RAD18: variants seen among roughly 807,000 people sequenced by gnomAD.
RAD18 encodes the protein RAD18 E3 ubiquitin protein ligase, also known as E3 ubiquitin-protein ligase RAD18.
RAD18 carries 47 observed loss-of-function variants against 60.4 expected under a neutral mutation model. The ratio of observed to expected loss-of-function variants is 0.78; its 90% CI spans 0.62 to 0.99. RAD18 has a LOEUF of 0.99. Ranked by LOEUF, RAD18 falls within the 50% of genes least tolerant of loss-of-function variation. The probability of loss-of-function intolerance (pLI) is 0.00; values close to 1 mark genes in which losing one functional copy is unlikely to be tolerated. For missense variants in RAD18, 640 were observed against 593.3 expected, an observed-to-expected ratio of 1.08 and a Z score of -0.82; for synonymous variants, 225 against 195.5, an observed-to-expected ratio of 1.15 and a Z score of -1.26.
intron 9 of RAD18, among the ~76,000 whole-genome samples, chr3:8,903,893 T>C (rs1415111631): frequency 2.6e-5 from 4 of 152,192 alleles, no homozygotes; most frequent in African/African-American, 7.2e-5. Context: ...TACTAAGGCA[T>C]AGGGAATTTA....
At chr3:8,907,219 T>C (rs1940024277) in intron 9 of RAD18, among the ~76,000 whole-genome samples, 1 of 152,258 alleles carries the variant, frequency 6.6e-6, no homozygotes, top group Non-Finnish European at 1.5e-5. Flanking sequence ...TGCTTACCTC[T>C]CAAGGATCCC....
rs1351559689 is a variant in RAD18 at position 8,898,885 on chromosome 3, G to A, written c.1322+9C>T. On this transcript the variant is annotated intron_variant, in intron 11 of 12. Coordinates refer to ENST00000264926, the MANE Select transcript of RAD18 (RefSeq NM_020165.4). ...TATTTAAAATAATCAACTACTGCATGTTTCTTACCTATTGCATGAATCTGA... is the reference window on the plus strand; with the variant it reads ...TATTTAAAATAATCAACTACTGCATATTTCTTACCTATTGCATGAATCTGA... 3 of 1,552,950 alleles carry A rather than the reference G, an allele frequency of 1.9e-6. No homozygotes were observed. The highest frequency in any genetic ancestry group is 2.8e-5 in the African/African-American group (2 of 72,438).
chr3:8,954,297 G>C (rs1940973343), intron 2 of RAD18, among the ~76,000 whole-genome samples: 1 of 152,146 alleles, frequency 6.6e-6, no homozygotes, highest in African/African-American at 2.4e-5. Context: ...CTTTCATAAA[G>C]TCCTTAAGAT....
intron 7 of RAD18, among the ~76,000 whole-genome samples, chr3:8,925,383 A>G (rs1171070119): frequency 6.6e-6 from 1 of 152,086 alleles, no homozygotes; most frequent in Non-Finnish European, 1.5e-5. Context: ...TCTCTGAATA[A>G]ACCAATAACA....
intron 2 of RAD18, among the ~76,000 whole-genome samples, 182 bp from the exon 3 acceptor site, chr3:8,948,752 G>T (rs1940878380): frequency 1.3e-5 from 2 of 152,084 alleles, no homozygotes; most frequent in South Asian, 2.1e-4. Context: ...AGCATTTTAA[G>T]GAAAGGAAAA....
At chr3:8,885,478 A>G (rs1939543372) in intron 12 of RAD18, among the ~76,000 whole-genome samples, 1 of 152,240 alleles carries the variant, frequency 6.6e-6, no homozygotes, top group South Asian at 2.1e-4. Context: ...TAAAGGCACT[A>G]TGAGATAGAG....
At chr3:8,924,924 A>T (rs1308656581) in intron 7 of RAD18, among the ~76,000 whole-genome samples, 1 of 152,164 alleles carries the variant, frequency 6.6e-6, no homozygotes, top group East Asian at 1.9e-4. Context: ...TGTAGGGGGA[A>T]ATTTATAGCA....
rs1355029736 is a variant in RAD18 at position 8,925,504 on chromosome 3, C to A, written c.889+10367G>T. 4.6e-5 allele frequency among the ~76,000 whole-genome samples: 7 copies of A among 152,314 alleles called. No homozygotes were observed. The East Asian group carries it at 1.2e-3, about 25-fold the overall frequency. On this transcript the variant is annotated intron_variant, in intron 7 of 12. Transcript: ENST00000264926. ...GGTACAAGGAGGAGCTGGTACCATTCCTTCTGAAACTATTCCAATCAATAG... is the reference window on the plus strand; with the variant it reads ...GGTACAAGGAGGAGCTGGTACCATTACTTCTGAAACTATTCCAATCAATAG...
chr3:8,882,280 C>A (rs1308474758), intron 12 of RAD18, among the ~76,000 whole-genome samples: 1 of 152,228 alleles, frequency 6.6e-6, no homozygotes, highest in Non-Finnish European at 1.5e-5. Flanking sequence ...TGAAATCAGT[C>A]TGCCTCAAGG....
chr3:8,893,691 T>C (rs1003299241), intron 11 of RAD18, among the ~76,000 whole-genome samples: 1 of 136,430 alleles, frequency 7.3e-6, no homozygotes, highest in African/African-American at 2.6e-5. Flanking sequence ...TTAGCTTTTT[T>C]AATTTTTTTT....
At chr3:8,884,231 C>T (rs750455475) in intron 12 of RAD18, among the ~76,000 whole-genome samples, 1 of 152,220 alleles carries the variant, frequency 6.6e-6, no homozygotes, top group Non-Finnish European at 1.5e-5. Context: ...ACAAAGCTCA[C>T]TGTTCTCACT....
At chr3:8,943,719 C>T (rs1028300383) in intron 4 of RAD18, among the ~76,000 whole-genome samples, 1 of 151,952 alleles carries the variant, frequency 6.6e-6, no homozygotes, top group Non-Finnish European at 1.5e-5. Flanking sequence ...AGAAAAATAA[C>T]TAGAAAATCT....
intron 9 of RAD18, among the ~76,000 whole-genome samples, chr3:8,911,936 T>C (rs964935543): frequency 6.6e-6 from 1 of 152,194 alleles, no homozygotes; most frequent in East Asian, 1.9e-4. Flanking sequence ...TGGCACAAAT[T>C]TGCAAGCTAT....
At position 8,890,495 on chromosome 3, in the gene RAD18, T is replaced by A. The variant is rs45462001; in HGVS notation, c.1323-44A>T. On this transcript the variant is annotated intron_variant, in intron 11 of 12. Transcript: ENST00000264926. ...CAGTATTGACAGACAACAAGAAGAC[T>A]GTATCGTCCCATTTATATAAAATTC... 2.7e-3 allele frequency: 3,760 copies of A among 1,394,484 alleles called. 48 individuals carry two copies. The highest frequency in any genetic ancestry group is 0.026 in the South Asian group (2,231 of 84,640). The allele number at this position is 1,394,484 out of a possible 1,614,324, so 86.4% of individuals were successfully genotyped here. A position where few individuals can be genotyped will look rare whatever the true frequency, so the allele number is the denominator to read the frequency against.
At chr3:8,895,225 C>T (rs896326914) in intron 11 of RAD18, among the ~76,000 whole-genome samples, 12 of 151,940 alleles carry the variant, frequency 7.9e-5, no homozygotes, top group Non-Finnish European at 1.5e-5. Context: ...TAATAAAATA[C>T]ACACAGTAAT....
intron 1 of RAD18, among the ~76,000 whole-genome samples, chr3:8,960,862 T>G (rs934331054): frequency 6.6e-6 from 1 of 152,246 alleles, no homozygotes; most frequent in Non-Finnish European, 1.5e-5. Context: ...TCCTTTATCT[T>G]ATTCTGAATT....
chr3:8,912,059 A>G (rs1197860104), intron 9 of RAD18, among the ~76,000 whole-genome samples: 1 of 152,196 alleles, frequency 6.6e-6, no homozygotes, highest in African/African-American at 2.4e-5. Flanking sequence ...ATGCTTTGAG[A>G]GCAGCTAATT....
chr3:8,959,561 G>A (rs1291742448), intron 1 of RAD18, among the ~76,000 whole-genome samples: 3 of 152,104 alleles, frequency 2.0e-5, no homozygotes, highest in Admixed American at 6.6e-5. Flanking sequence ...CAGTGCTTTC[G>A]GCATGGTACT....
intron 7 of RAD18, among the ~76,000 whole-genome samples, chr3:8,924,933 C>T (rs1226566726): frequency 6.6e-6 from 1 of 152,050 alleles, no homozygotes; most frequent in Non-Finnish European, 1.5e-5. Flanking sequence ...AAATTTATAG[C>T]ACTAAATGCC....
Sources: gnomAD v4.1 joint callset for allele counts (sites outside exome capture counted in the v4.1 genomes callset) on GRCh38, gnomAD v4.1.1 for gene constraint, MANE v1.5 for transcripts, NCBI Gene and HGNC (gene_info 2026-07-23, HGNC 2026-07-21) for gene names.